Variants in SCN9A observed in about 807,000 individuals in gnomAD.
SCN9A encodes sodium voltage-gated channel alpha subunit 9.
Under a neutral mutation model 187.0 loss-of-function variants are expected in SCN9A, and 131 were observed. That is an observed-to-expected ratio of 0.70 (90% confidence interval 0.61 to 0.81). The LOEUF (loss-of-function observed/expected upper bound fraction) is 0.81. Among genes scored for constraint, SCN9A ranks in the 30% least tolerant of loss-of-function variants. SCN9A has a pLI of 0.00. For synonymous variants in SCN9A, 809 were observed against 808.6 expected (o/e 1.00, Z -0.01); for missense variants, 2,252 against 2,396.6 (o/e 0.94, Z 1.26).
intron 1 of SCN9A, among the ~76,000 whole-genome samples, chr2:166,317,281 A>C (rs1381580310): frequency 6.6e-6 from 1 of 151,970 alleles, no homozygotes; most frequent in Non-Finnish European, 1.5e-5. Context: ...AGTCAATGAA[A>C]TCAATCAATA....
At chr2:166,255,116 G>A (rs1197714649) in intron 17 of SCN9A, among the ~76,000 whole-genome samples, 1 of 130,548 alleles carries the variant, frequency 7.7e-6, no homozygotes, top group Non-Finnish European at 1.6e-5. Flanking sequence ...AAAAGAGAGA[G>A]AGGAGAGAGA....
At chr2:166,250,475 A>G (rs557481092) in intron 18 of SCN9A, among the ~76,000 whole-genome samples, 1 of 152,138 alleles carries the variant, frequency 6.6e-6, no homozygotes, top group Non-Finnish European at 1.5e-5. Context: ...TCTGAAGAAC[A>G]AGATTTTAAA....
chr2:166,288,815 C>G (rs569575609), intron 9 of SCN9A, among the ~76,000 whole-genome samples, 172 bp from the exon 10 acceptor site: 6 of 151,938 alleles, frequency 3.9e-5, no homozygotes, highest in Non-Finnish European at 8.8e-5. Context: ...ATTTTCAGTA[C>G]GAAGAATATA....
chr2:166,246,322 G>GA (rs1332312032), intron 18 of SCN9A, among the ~76,000 whole-genome samples: 2 of 144,564 alleles, frequency 1.4e-5, no homozygotes, highest in African/African-American at 5.1e-5. Flanking sequence ...GGATGAAAAA[G>GA]AAAAAAAAAG....
intron 18 of SCN9A, chr2:166,248,155 C>A (rs959944136): frequency 7.2e-5 from 11 of 152,034 alleles, no homozygotes; most frequent in African/African-American, 2.7e-4. Flanking sequence ...GGATTTAATT[C>A]TTTTTCATAC....
intron 1 of SCN9A, among the ~76,000 whole-genome samples, chr2:166,362,891 T>A (rs1281753204): frequency 6.6e-6 from 1 of 152,010 alleles, no homozygotes; most frequent in African/African-American, 2.4e-5. Context: ...TGAATTGACC[T>A]GTTCATTTTT....
intron 10 of SCN9A, 149 bp from the exon 11 acceptor site, chr2:166,286,772 G>T: frequency 1.8e-6 from 1 of 548,504 alleles, no homozygotes; most frequent in Non-Finnish European, 2.9e-6. Flanking sequence ...TTTACACAAT[G>T]ATCAGAATGC....
At chr2:166,281,609 A>G in intron 13 of SCN9A, 70 bp downstream of exon 13, 1 of 1,457,512 alleles carries the variant, frequency 6.9e-7, no homozygotes, top group South Asian at 1.3e-5. Flanking sequence ...TCATGTGCCT[A>G]TTTAAGGTTG....
Position 166,199,199 on chromosome 2 carries a change from G to A in SCN9A, c.5440C>T (p.Leu1814Phe). ...DFAAALDPPL[L>F]IAKPNKVQLI... Reference sequence around the variant, plus strand: ...TGGACTTTGTTGGGTTTTGCTATGAGAAGAGGAGGATCCAGGGCAGCTGCA... The same window carrying A: ...TGGACTTTGTTGGGTTTTGCTATGAAAAGAGGAGGATCCAGGGCAGCTGCA... The change falls in exon 27 of 27, where the codon CTC becomes TTC. Residue 1814 changes from leucine to phenylalanine, a missense_variant. Coordinates refer to ENST00000642356, the MANE Select transcript of SCN9A (RefSeq NM_001365536.1). The A allele has an allele frequency of 6.2e-7, 1 of 1,614,202 alleles. No individual in the cohort carries two copies. The highest frequency in any genetic ancestry group is 1.1e-5 in the South Asian group (1 of 91,084).
At position 166,197,745 on chromosome 2, in the gene SCN9A, A is replaced by G. The variant is rs1693285528; in HGVS notation, c.*927T>C. On this transcript the variant is annotated 3_prime_UTR_variant, in exon 27 of 27. Coordinates refer to ENST00000642356, the MANE Select transcript of SCN9A (RefSeq NM_001365536.1). ...ATGACTAAACAATACTGCATAAGAA[A>G]GCAGGAAAATTTGACAAAAGAGTTT... 6.6e-6 allele frequency: 1 copy of G among 152,210 alleles called. No homozygotes were observed. The highest frequency in any genetic ancestry group is 2.1e-4 in the South Asian group (1 of 4,836). 9.4% of individuals were successfully genotyped at this position (152,210 alleles called of 1,614,324 possible).
chr2:166,302,312 T>C (rs1698590462), intron 7 of SCN9A: 1 of 152,244 alleles, frequency 6.6e-6, no homozygotes, highest in Admixed American at 6.5e-5. Context: ...TAGGGGATAA[T>C]TGTTTAGAGA....
intron 1 of SCN9A, among the ~76,000 whole-genome samples, chr2:166,341,638 T>A (rs1699787365): frequency 6.6e-6 from 1 of 152,202 alleles, no homozygotes. Context: ...GCTCTGTGAA[T>A]AAATTCTTAG....
At chr2:166,228,062 G>T (rs1371972457) in intron 22 of SCN9A, among the ~76,000 whole-genome samples, 2 of 151,992 alleles carry the variant, frequency 1.3e-5, no homozygotes, top group African/African-American at 4.8e-5. Flanking sequence ...CCTGTGGGAA[G>T]TTCCTCTCAT....
intron 24 of SCN9A, among the ~76,000 whole-genome samples, chr2:166,220,987 C>A (rs997590771): frequency 2.0e-5 from 3 of 151,938 alleles, no homozygotes; most frequent in Non-Finnish European, 4.4e-5. Context: ...AATCAACATA[C>A]AAAAATCACC....
In SCN9A at chr2:166,242,566, A is replaced by G. The variant is rs1392030968; in HGVS notation, c.3563T>C (p.Ile1188Thr). Residue 1188 changes from isoleucine to threonine, a missense_variant, in exon 19 of 27, where the codon ATT becomes ACT. Transcript: ENST00000642356. ...WWNIRKTCYK[I>T]VEHSWFESFI... is the part of the protein sequence containing the mutation. ...GCTTTCAAACCAACTGTGTTCAACA[A>G]TCTTGTAGCAGGTTTTCCTGATGTT... is the stretch of plus-strand genomic sequence containing the variant. 8 of 1,583,412 alleles carry G rather than the reference A, an allele frequency of 5.1e-6. No individual in the cohort carries two copies. The highest frequency in any genetic ancestry group is 2.3e-5 in the South Asian group (2 of 86,286).
chr2:166,236,568 C>A (rs1030702130), intron 20 of SCN9A, among the ~76,000 whole-genome samples: 9 of 152,012 alleles, frequency 5.9e-5, no homozygotes, highest in Non-Finnish European at 1.0e-4. Flanking sequence ...TTACAGGCAC[C>A]TGCCACCATG....
chr2:166,297,740 T>TAA (rs1365761067), intron 7 of SCN9A, among the ~76,000 whole-genome samples: 1 of 151,792 alleles, frequency 6.6e-6, no homozygotes, highest in African/African-American at 2.4e-5. Context: ...TTATACAGTT[T>TAA]AAAAAAAGGA....
chr2:166,266,763 A>G (rs1696759225), intron 17 of SCN9A, among the ~76,000 whole-genome samples: 1 of 151,786 alleles, frequency 6.6e-6, no homozygotes, highest in African/African-American at 2.4e-5. Context: ...TTTTCATTGT[A>G]AATATATTTC....
intron 17 of SCN9A, among the ~76,000 whole-genome samples, chr2:166,260,365 G>T (rs1696453927): frequency 6.6e-6 from 1 of 151,792 alleles, no homozygotes; most frequent in Non-Finnish European, 1.5e-5. Context: ...CTCTGCCTGA[G>T]ATTTCCTTCT....
Sources: allele counts gnomAD v4.1 joint callset (sites outside exome capture counted in the v4.1 genomes callset), GRCh38; gene constraint gnomAD v4.1.1; transcripts MANE v1.5; gene names NCBI Gene and HGNC (gene_info 2026-07-23, HGNC 2026-07-21).